Variants in ABCG8 observed in about 807,000 individuals in gnomAD.
The protein encoded by ABCG8 is ATP binding cassette subfamily G member 8.
In ABCG8, 81 loss-of-function variants were observed where a neutral mutation model predicts 71.3. The ratio of observed to expected loss-of-function variants is 1.14; its 90% CI spans 0.95 to 1.37. The LOEUF (loss-of-function observed/expected upper bound fraction) is 1.37, where lower values mean the gene tolerates loss of function less well. Ranked by LOEUF, ABCG8 falls within the 40% of genes most tolerant of loss-of-function variation. ABCG8 has a pLI of 0.00. For missense variants in ABCG8, 1,119 were observed against 866.2 expected, an observed-to-expected ratio of 1.29 and a Z score of -3.66; for synonymous variants, 451 against 354.7, an observed-to-expected ratio of 1.27 and a Z score of -3.05.
intron 6 of ABCG8, among the ~76,000 whole-genome samples, chr2:43,870,131 G>T (rs72798829): frequency 0.054 from 8,135 of 150,986 alleles, 259 homozygotes; most frequent in Middle Eastern, 0.11. Flanking sequence ...AATTCTCACT[G>T]TCTGGATGGA....
intron 6 of ABCG8, among the ~76,000 whole-genome samples, chr2:43,862,561 TCTCA>T (rs2104933164): frequency 1.4e-5 from 2 of 144,658 alleles, no homozygotes; most frequent in African/African-American, 5.0e-5. Context: ...TGAATAAAAC[TCTCA>T]CTATGTTTCT....
chr2:43,842,902 C>T (rs1462712640), intron 1 of ABCG8, among the ~76,000 whole-genome samples: 4 of 152,106 alleles, frequency 2.6e-5, no homozygotes, highest in East Asian at 3.9e-4. Flanking sequence ...AGCACGCCTG[C>T]GGCATACTGT....
chr2:43,852,622 A>G lies in ABCG8; in HGVS notation c.718A>G (p.Thr240Ala). 1 of 1,613,968 alleles carries G rather than the reference A, an allele frequency of 6.2e-7. No individual in the cohort carries two copies. The highest frequency in any genetic ancestry group is 8.5e-7 in the Non-Finnish European group (1 of 1,179,968). ...NPGILILDEP[T>A]SGLDSFTAHN... is the part of the protein sequence containing the mutation. ...AGGAATCCTTATTCTCGACGAACCC[A>G]CCTCTGGGCTCGACAGCTTCACAGC... The change falls in exon 6 of 13, where the codon ACC becomes GCC. Residue 240 changes from threonine to alanine, a missense_variant. Thr to Ala is a moderately conservative substitution (Grantham distance 58). Coordinates refer to ENST00000272286, the MANE Select transcript of ABCG8 (RefSeq NM_022437.3).
At chr2:43,855,049 C>T (rs1331959647) in intron 6 of ABCG8, among the ~76,000 whole-genome samples, 1 of 152,226 alleles carries the variant, frequency 6.6e-6, no homozygotes, top group Admixed American at 6.5e-5. Flanking sequence ...AGACATTCTC[C>T]TGCTTTCGGC....
chr2:43,841,977 A>T (rs1384119366), intron 1 of ABCG8, among the ~76,000 whole-genome samples: 1 of 141,722 alleles, frequency 7.1e-6, no homozygotes, highest in East Asian at 1.9e-4. Context: ...AGCAAGATGC[A>T]TGTTAGCCCA....
intron 6 of ABCG8, among the ~76,000 whole-genome samples, chr2:43,868,595 A>T (rs1417717013): frequency 1.3e-5 from 2 of 151,728 alleles, no homozygotes; most frequent in African/African-American, 4.8e-5. Context: ...TGGATAGAAT[A>T]ATCATCGTCT....
Position 43,881,395 on chromosome 2 carries a change from A to T in ABCG8, c.*3482A>T, listed in dbSNP as rs1163044259. 1 of 152,262 alleles carries T rather than the reference A, an allele frequency of 6.6e-6. No individual in the cohort carries two copies. Among genetic ancestry groups the T allele is most frequent in the African/African-American group, 2.4e-5 (1 of 41,450 alleles). The allele number at this position is 152,262 out of a possible 1,614,324, so 9.4% of individuals were successfully genotyped here. On this transcript the variant is annotated 3_prime_UTR_variant, in exon 13 of 13. Transcript: ENST00000272286. ...TTTTGTTTAAAATGCTCTTCAAGGC[A>T]TTGTGAGGCCAGGAAAACAAAGAAC...
At position 43,881,294 on chromosome 2, in the gene ABCG8, C is replaced by G. The variant is rs1179506547; in HGVS notation, c.*3381C>G. The stretch of plus-strand genomic sequence containing the variant: ...TTTTCCTACAGCGGTGGTTCTCCAC[C>G]CTGGTTGCCCATGCTGGAGCTTTAA... On this transcript the variant is annotated 3_prime_UTR_variant, in exon 13 of 13. Coordinates refer to ENST00000272286, the MANE Select transcript of ABCG8 (RefSeq NM_022437.3). The G allele has an allele frequency of 6.6e-6, 1 of 152,188 alleles. No individual in the cohort carries two copies. Among genetic ancestry groups the G allele is most frequent in the African/African-American group, 2.4e-5 (1 of 41,434 alleles). The allele number at this position is 152,188 out of a possible 1,614,324, so 9.4% of individuals were successfully genotyped here.
intron 2 of ABCG8, among the ~76,000 whole-genome samples, chr2:43,845,680 G>A (rs1439901641): frequency 6.6e-6 from 1 of 151,854 alleles, no homozygotes; most frequent in Non-Finnish European, 1.5e-5. Context: ...GGGATGCAGT[G>A]GTGCAATCTT....
At chr2:43,861,912 C>G (rs1417213458) in intron 6 of ABCG8, among the ~76,000 whole-genome samples, 1 of 151,252 alleles carries the variant, frequency 6.6e-6, no homozygotes, top group Non-Finnish European at 1.5e-5. Flanking sequence ...AGAATTATCA[C>G]TCTCTGGATA....
chr2:43,850,347 C>T (rs898542898), intron 3 of ABCG8, among the ~76,000 whole-genome samples: 2 of 152,172 alleles, frequency 1.3e-5, no homozygotes, highest in Non-Finnish European at 2.9e-5. Context: ...AGAGGCTCAC[C>T]GAAAGTTTTT....
intron 9 of ABCG8, among the ~76,000 whole-genome samples, 191 bp from the exon 10 acceptor site, chr2:43,874,216 A>T (rs1374286567): frequency 6.6e-6 from 1 of 152,158 alleles, no homozygotes; most frequent in Non-Finnish European, 1.5e-5. Flanking sequence ...CGAGCTACAG[A>T]CTTGCAAAAC....
At chr2:43,862,349 A>G (rs748635562) in intron 6 of ABCG8, among the ~76,000 whole-genome samples, 10 of 151,056 alleles carry the variant, frequency 6.6e-5, no homozygotes, top group Non-Finnish European at 1.3e-4. Context: ...TCTGGATAGA[A>G]GTCTTACTGT....
chr2:43,868,428 C>T (rs1417126361), intron 6 of ABCG8, among the ~76,000 whole-genome samples: 1 of 151,982 alleles, frequency 6.6e-6, no homozygotes, highest in East Asian at 1.9e-4. Context: ...ATAGAACTGT[C>T]ACCCTCTGGA....
At chr2:43,877,451 G>C in intron 11 of ABCG8, 110 bp from the exon 12 acceptor site, 2 of 1,555,428 alleles carry the variant, frequency 1.3e-6, no homozygotes, top group Non-Finnish European at 1.8e-6. Flanking sequence ...AATATGGGCA[G>C]ACCATGGGAA....
chr2:43,842,688 C>G (rs1007903560), intron 1 of ABCG8, among the ~76,000 whole-genome samples: 2 of 152,060 alleles, frequency 1.3e-5, no homozygotes, highest in African/African-American at 2.4e-5. Context: ...GAAGCTTGAT[C>G]CCCGCACTCC....
In ABCG8 at chr2:43,839,017, G is replaced by T; in HGVS notation, c.-37G>T. 1 of 1,545,842 alleles carries T rather than the reference G, an allele frequency of 6.5e-7. No individual in the cohort carries two copies. The highest frequency in any genetic ancestry group is 1.2e-5 in the South Asian group (1 of 83,808). The stretch of plus-strand genomic sequence containing the variant: ...CCTGGCAGGCAGCAGCTGGGTCTAA[G>T]AGAGCTGCAGCCCAGGGTCACAGAC... On this transcript the variant is annotated 5_prime_UTR_variant, in exon 1 of 13. Transcript: ENST00000272286.
chr2:43,839,181 T>A, intron 1 of ABCG8, 65 bp downstream of exon 1: 1 of 1,513,530 alleles, frequency 6.6e-7, no homozygotes, highest in Non-Finnish European at 9.0e-7. Flanking sequence ...AACCTTTCTC[T>A]CTTCCCTCAG....
At chr2:43,857,268 C>A (rs1325173105) in intron 6 of ABCG8, among the ~76,000 whole-genome samples, 1 of 151,648 alleles carries the variant, frequency 6.6e-6, no homozygotes, top group Non-Finnish European at 1.5e-5. Flanking sequence ...CTCTCACTAT[C>A]GGTCTGGATA....
Sources: allele counts gnomAD v4.1 joint callset (sites outside exome capture counted in the v4.1 genomes callset), GRCh38; gene constraint gnomAD v4.1.1; transcripts MANE v1.5; gene names NCBI Gene and HGNC (gene_info 2026-07-23, HGNC 2026-07-21).